The following IL4I1 variants were observed in gnomAD, a reference collection of about 807,000 sequenced individuals.
IL4I1 encodes the protein L-amino-acid oxidase.
A neutral mutation model predicts 29.7 loss-of-function variants in IL4I1; 24 were observed. The observed-to-expected ratio is 0.81, with a 90% CI of 0.59 to 1.14. The LOEUF is 1.14. IL4I1 is among the 50% of genes most tolerant of loss of function. The pLI, the probability that IL4I1 is intolerant of heterozygous loss-of-function variation, is 0.00. For missense variants in IL4I1, 686 were observed against 785.6 expected (o/e 0.87, Z 1.52); for synonymous variants, 371 against 352.5 (o/e 1.05, Z -0.59).
At chr19:49,893,387 TG>T (rs1284213070) in intron 5 of IL4I1, among the ~76,000 whole-genome samples, 1 of 132,856 alleles carries the variant, frequency 7.5e-6, no homozygotes. Context: ...GTGGGGGAGG[TG>T]GGCGAGGAGG....
At chr19:49,890,859 C>T in intron 7 of IL4I1, 112 bp downstream of exon 7, 2 of 957,192 alleles carry the variant, frequency 2.1e-6, no homozygotes, top group Non-Finnish European at 3.0e-6. Flanking sequence ...ATCAATTAGG[C>T]CACGCCCTTC....
chr19:49,909,619 G>A, intron 2 of IL4I1: 1 of 1,614,226 alleles, frequency 6.2e-7, no homozygotes, highest in Non-Finnish European at 8.5e-7. Flanking sequence ...GAGTCTGGGT[G>A]GCAAGTGAGA....
chr19:49,894,251 G>T lies in IL4I1; in HGVS notation c.567+17C>A, dbSNP rs753529704. The T allele has an allele frequency of 6.2e-7, 1 of 1,608,406 alleles. No homozygotes were observed. Among genetic ancestry groups the T allele is most frequent in the South Asian group, 1.1e-5 (1 of 90,226 alleles). On this transcript the variant is annotated intron_variant, in intron 5 of 7. Transcript: ENST00000391826. ...ACAGAGAAGTCAGGGCGGGAGGAGGGTGCAGGCGGTACCCACCTGGTTGAG... is the reference window on the plus strand; with the variant it reads ...ACAGAGAAGTCAGGGCGGGAGGAGGTTGCAGGCGGTACCCACCTGGTTGAG...
upstream of IL4I1, among the ~76,000 whole-genome samples, chr19:49,899,949 C>T (rs983348759): frequency 2.6e-5 from 4 of 152,114 alleles, no homozygotes; most frequent in Admixed American, 6.6e-5. Flanking sequence ...ATCCTCCAGC[C>T]TCAGTCTCTC....
rs1044657638 is a variant in IL4I1, at chr19:49,921,250, G to A, written c.-228+6444C>T. ...AGGGGAGAGGACTTCAGTCACCTGC[G>A]TAAAGTCCCACAACCAGTAAGGGCT... On this transcript the variant is annotated intron_variant, in intron 2 of 9. Transcript: ENST00000341114. This position sits in a 1 kb window ranked among gnomAD's most constrained non-coding sequence, Gnocchi z 5.4. Among the ~76,000 whole-genome samples the A allele has an allele frequency of 1.3e-5, 2 of 152,108 alleles. No homozygotes were observed. Among genetic ancestry groups the A allele is most frequent in the African/African-American group, 4.8e-5 (2 of 41,400 alleles).
chr19:49,909,847 A>G lies in IL4I1; in HGVS notation c.-227-5526T>C, dbSNP rs1394022379. On this transcript the variant is annotated intron_variant, in intron 2 of 9. Transcript: ENST00000341114. ...GTGGCGGCAGCTACTCTGGCTCCCA[A>G]AGCAAATCCGTCGGTGTCTGCAGCC... 8.1e-6 allele frequency: 13 copies of G among 1,601,830 alleles called. No homozygotes were observed. In the Admixed American group the frequency reaches 2.2e-4, roughly 27 times the overall value.
Position 49,890,378 on chromosome 19 carries a change from G to A in IL4I1, c.996C>T (p.Phe332=), listed in dbSNP as rs772534604. 1.9e-6 allele frequency: 3 copies of A among 1,601,972 alleles called. No individual in the cohort carries two copies. Among genetic ancestry groups the A allele is most frequent in the South Asian group, 2.2e-5 (2 of 90,898 alleles). Reference sequence around the variant, plus strand: ...GCATGTGGCGGGGCAGCGGCGGCGAGAAGGTGATGCGCTTCACCGCCGGTC... The same window carrying A: ...GCATGTGGCGGGGCAGCGGCGGCGAAAAGGTGATGCGCTTCACCGCCGGTC... ...ASGPAVKRIT[F]SPPLPRHMQE... is the part of the protein sequence containing the mutation. Residue 332 remains phenylalanine, a synonymous_variant, in exon 8 of 8, where the codon TTC becomes TTT. Coordinates refer to ENST00000391826, the MANE Select transcript of IL4I1 (RefSeq NM_152899.2).
intron 2 of IL4I1, among the ~76,000 whole-genome samples, chr19:49,917,149 G>C (rs1409647970): frequency 6.6e-6 from 1 of 152,230 alleles, no homozygotes; most frequent in Admixed American, 6.5e-5. Context: ...AGAGCAGAGA[G>C]TGAGGGAGTG....
chr19:49,922,729 T>C (rs979175192), intron 2 of IL4I1, among the ~76,000 whole-genome samples: 1 of 151,176 alleles, frequency 6.6e-6, no homozygotes, highest in African/African-American at 2.4e-5. Context: ...AAAAACTGGA[T>C]TTCCAGCTTC....
At chr19:49,910,597 G>A (rs1019214113) in intron 2 of IL4I1, among the ~76,000 whole-genome samples, 2 of 152,086 alleles carry the variant, frequency 1.3e-5, no homozygotes, top group Non-Finnish European at 2.9e-5. Flanking sequence ...GAAGGCAGCT[G>A]CCTCCTTCAC....
At chr19:49,918,905 G>C (rs1381640840) in intron 2 of IL4I1, among the ~76,000 whole-genome samples, 2 of 147,662 alleles carry the variant, frequency 1.4e-5, no homozygotes, top group Admixed American at 1.4e-4. Context: ...TGGGGGGGGG[G>C]GGGCGGGGTG....
chr19:49,907,537 CTTTTTTTTTT>C (rs4009637), intron 2 of IL4I1: 12 of 332,844 alleles, frequency 3.6e-5, no homozygotes, highest in Non-Finnish European at 4.4e-5. Context: ...CTGGGAGTTT[CTTTTTTTTTT>C]TTTTTTTTTT....
chr19:49,901,762 G>T, upstream of IL4I1: 3 of 1,426,616 alleles, frequency 2.1e-6, no homozygotes, highest in Non-Finnish European at 2.8e-6. Flanking sequence ...CTTGTTAGTG[G>T]TGCCCTTGTT....
rs558152300 is a variant in IL4I1 at position 49,917,105 on chromosome 19, C to G, written c.-228+10589G>C. On this transcript the variant is annotated intron_variant, in intron 2 of 9. Coordinates refer to the IL4I1 transcript ENST00000341114. ...ATTTCAGATTTGGGGGAAGTATGAC[C>G]GGTGGAACCAGAGAGACCAGAACAG... Among the ~76,000 whole-genome samples the G allele has an allele frequency of 5.6e-4, 85 of 152,262 alleles. 1 individual carries two copies. The South Asian group carries it at 0.016, about 28-fold the overall frequency.
At chr19:49,911,892 C>T (rs762781464) in intron 2 of IL4I1, among the ~76,000 whole-genome samples, 11 of 152,222 alleles carry the variant, frequency 7.2e-5, no homozygotes, top group Non-Finnish European at 1.3e-4. Flanking sequence ...GGGCCTGGCC[C>T]GGCCTACATC....
intron 1 of IL4I1, chr19:49,929,288 T>G (rs1391610367): frequency 6.5e-6 from 1 of 153,518 alleles, no homozygotes; most frequent in African/African-American, 2.4e-5. Flanking sequence ...CTCTGTAGCC[T>G]CGACCCCTTT....
intron 3 of IL4I1, among the ~76,000 whole-genome samples, chr19:49,902,857 C>T (rs1427797663): frequency 1.3e-5 from 2 of 151,816 alleles, no homozygotes; most frequent in African/African-American, 4.8e-5. Flanking sequence ...TGGCTCATGC[C>T]TGTAATCCCA....
At chr19:49,903,882 C>T (rs1411334682) in intron 3 of IL4I1, among the ~76,000 whole-genome samples, 1 of 129,270 alleles carries the variant, frequency 7.7e-6, no homozygotes, top group Non-Finnish European at 1.6e-5. Context: ...TTTTGTTACC[C>T]AGGCTGGAGT....
At chr19:49,899,484 A>G (rs2075250945), upstream of IL4I1, among the ~76,000 whole-genome samples, 1 of 151,894 alleles carries the variant, frequency 6.6e-6, no homozygotes. Flanking sequence ...TCCCGGGCTC[A>G]AGCAATCCTC....
Sources: gnomAD v4.1 joint callset for allele counts (sites outside exome capture counted in the v4.1 genomes callset) on GRCh38, gnomAD v4.1.1 for gene constraint, Gnocchi (gnomAD v3.1) non-coding constraint, MANE v1.5 for transcripts, NCBI Gene and HGNC (gene_info 2026-07-23, HGNC 2026-07-21) for gene names.